Variants in PHF1 observed in about 807,000 individuals in gnomAD.
PHF1 encodes PHD finger protein 1, also known as polycomb-like 1.
In PHF1, 16 loss-of-function variants were observed where a neutral mutation model predicts 69.4. The ratio of observed to expected loss-of-function variants is 0.23; its 90% confidence interval spans 0.16 to 0.35. PHF1 has a LOEUF of 0.35. Among genes scored for constraint, PHF1 ranks in the 10% least tolerant of loss-of-function variants. The probability of loss-of-function intolerance (pLI) is 1.00; values close to 1 mark genes in which losing one functional copy is unlikely to be tolerated. For missense variants in PHF1, 515 were observed against 732.8 expected, an observed-to-expected ratio of 0.70 and a Z score of 3.43; for synonymous variants, 274 against 275.0, an observed-to-expected ratio of 1.00 and a Z score of 0.04.
chr6:33,412,756 T>G lies in PHF1; in HGVS notation c.300T>G (p.Pro100=). The G allele has an allele frequency of 6.2e-7, 1 of 1,614,078 alleles. No individual in the cohort carries two copies. Among genetic ancestry groups the G allele is most frequent in the Non-Finnish European group, 8.5e-7 (1 of 1,180,022 alleles). ...CCVCRSETVV[P]GNRLVSCEKC... ...TCTGTCGCTCTGAGACTGTGGTCCC[T>G]GGGAACCGGCTGGTCAGCTGTGAGA... Residue 100 remains proline, a synonymous_variant, in exon 4 of 15, where the codon CCT becomes CCG. Transcript: ENST00000374516. This position sits in a 1 kb window ranked among gnomAD's most constrained non-coding sequence, Gnocchi z 4.2.
Position 33,412,817 on chromosome 6 carries a change from G to A in PHF1, c.337+24G>A. 6.3e-7 allele frequency: 1 copy of A among 1,592,224 alleles called. No homozygotes were observed. Among genetic ancestry groups the A allele is most frequent in the Non-Finnish European group, 8.6e-7 (1 of 1,160,474 alleles). ...TGGTGAGAGGGCAGGTCACCTGAAT[G>A]GTCCAGCTTGCTCTTCCCTCCAGGA... On this transcript the variant is annotated intron_variant, in intron 4 of 14. Transcript: ENST00000374516. This position sits in a 1 kb window ranked among gnomAD's most constrained non-coding sequence, Gnocchi z 4.2.
At position 33,416,170 on chromosome 6, in the gene PHF1, A is replaced by C; in HGVS notation, c.*72A>C. ...CATACCCTGACCTCTGACCTCACCT[A>C]CAGCTGGGATGTACCTGGAGAGATA... On this transcript the variant is annotated 3_prime_UTR_variant, in exon 15 of 15. Transcript: ENST00000374516. The C allele has an allele frequency of 7.6e-7, 1 of 1,317,200 alleles. No individual in the cohort carries two copies. The highest frequency in any genetic ancestry group is 1.0e-6 in the Non-Finnish European group (1 of 974,640). The allele number at this position is 1,317,200 out of a possible 1,614,324, so 81.6% of individuals were successfully genotyped here. A position where few individuals can be genotyped will look rare whatever the true frequency, so the allele number is the denominator to read the frequency against.
At position 33,414,904 on chromosome 6, in the gene PHF1, G is replaced by A. The variant is rs73741834; in HGVS notation, c.1050-51G>A. 1,573 of 1,527,534 alleles carry A rather than the reference G, an allele frequency of 1.0e-3. 9 individuals are homozygous for A. The African/African-American group carries it at 0.017, about 16-fold the overall frequency. The allele number at this position is 1,527,534 out of a possible 1,614,324, so 94.6% of individuals were successfully genotyped here. ...GGGGTATATGTATAGAGATGGGGAG[G>A]TCTTGGGGGTGTCCGGGAGGGGGCT... On this transcript the variant is annotated intron_variant, in intron 11 of 14. Transcript: ENST00000374516. This position sits in a 1 kb window ranked among gnomAD's most constrained non-coding sequence, Gnocchi z 5.0.
chr6:33,415,631 G>A lies in PHF1; in HGVS notation c.1376G>A (p.Ser459Asn), dbSNP rs770833118. 3 of 1,614,022 alleles carry A rather than the reference G, an allele frequency of 1.9e-6. No individual in the cohort carries two copies. In the South Asian group the frequency reaches 3.3e-5, roughly 18 times the overall value. Residue 459 changes from serine to asparagine, a missense_variant, in exon 14 of 15, where the codon AGC (serine) becomes AAC (asparagine). Ser to Asn is a conservative substitution (Grantham distance 46, BLOSUM62 1). This residue lies in a region of PHF1 where 274 missense variants were observed against 304.5 expected (regional missense o/e 0.90). Coordinates refer to ENST00000374516, the MANE Select transcript of PHF1 (RefSeq NM_024165.3). The stretch of plus-strand genomic sequence containing the variant: ...TTTGCTTCCTTCCACCCTTCTGCCA[G>A]CACCGCAGGGACCTCTGGGGACAGT... The part of the protein sequence containing the change: ...RMFASFHPSA[S>N]TAGTSGDSGP...
chr6:33,416,016 C>CT lies in PHF1; in HGVS notation c.1623dup (p.Val542CysfsTer11). 6.2e-7 allele frequency: 1 copy of CT among 1,613,066 alleles called. No individual in the cohort carries two copies. The highest frequency in any genetic ancestry group is 8.5e-7 in the Non-Finnish European group (1 of 1,179,324). On this transcript the variant is annotated frameshift_variant, in exon 15 of 15. Transcript: ENST00000374516. LOFTEE classifies it high-confidence loss of function. Reference sequence around the variant, plus strand: ...GTTGGTTACCTGTCCCGAGGGGACCCTGTCCGGGTCCTTGCTCGGAGAGTA... The same window carrying CT: ...GTTGGTTACCTGTCCCGAGGGGACCCTTGTCCGGGTCCTTGCTCGGAGAGTA...
chr6:33,413,175 G>A, intron 4 of PHF1, 21 bp from the exon 5 acceptor site: 1 of 1,592,320 alleles, frequency 6.3e-7, no homozygotes, highest in Non-Finnish European at 8.6e-7. Context: ...TGCAATAAGT[G>A]GTCTACTATT....
At chr6:33,413,093 C>G (rs1388648008) in intron 4 of PHF1, 103 bp from the exon 5 acceptor site, 1 of 1,062,600 alleles carries the variant, frequency 9.4e-7, no homozygotes, top group Non-Finnish European at 1.5e-6. Flanking sequence ...ACCCCCTCAT[C>G]AAGACCATGG....
chr6:33,416,161 A>C lies in PHF1; in HGVS notation c.*63A>C. ...CGGCACTTTCATACCCTGACCTCTG[A>C]CCTCACCTACAGCTGGGATGTACCT... On this transcript the variant is annotated 3_prime_UTR_variant, in exon 15 of 15. Transcript: ENST00000374516. The C allele has an allele frequency of 7.3e-7, 1 of 1,368,006 alleles. No homozygotes were observed. Among genetic ancestry groups the C allele is most frequent in the Non-Finnish European group, 9.8e-7 (1 of 1,018,102 alleles). The allele number at this position is 1,368,006 out of a possible 1,614,324, so 84.7% of individuals were successfully genotyped here.
rs776102099 is a variant in PHF1 at position 33,412,322 on chromosome 6, C to T, written c.59C>T (p.Ser20Phe). 103 of 1,614,106 alleles carry T rather than the reference C, an allele frequency of 6.4e-5. No homozygotes were observed. The Admixed American group carries it at 1.7e-3, about 26-fold the overall frequency. ...SGASSLWDPASPAPTSGPRPR... is the reference protein window; with the variant it reads ...SGASSLWDPAFPAPTSGPRPR... Reference sequence around the variant, plus strand: ...GCCTCCTCACTTTGGGACCCAGCTTCTCCTGCTCCCACCTCTGGCCCCAGG... The same window carrying T: ...GCCTCCTCACTTTGGGACCCAGCTTTTCCTGCTCCCACCTCTGGCCCCAGG... Residue 20 changes from serine (S) to phenylalanine (F), a missense_variant, in exon 2 of 15, where the codon TCT becomes TTT. Physicochemically the swap from Ser to Phe is radical, Grantham distance 155 (BLOSUM62 -2). Transcript: ENST00000374516. This position sits in a 1 kb window ranked among gnomAD's most constrained non-coding sequence, Gnocchi z 4.2.
chr6:33,411,575 C>T (rs1776066397), intron 1 of PHF1, among the ~76,000 whole-genome samples: 1 of 152,166 alleles, frequency 6.6e-6, no homozygotes, highest in African/African-American at 2.4e-5. Flanking sequence ...ACAGGACACC[C>T]TAATTATGAT....
At position 33,412,164 on chromosome 6, in the gene PHF1, GAAAAAA is replaced by G. The variant is rs576149310; in HGVS notation, c.-16-73_-16-68del. ...GCGACAGAGCAAAACTCCATCTCAGGAAAAAAAAAAAAAAAAGAAAAAGAAAATGGG... is the reference window on the plus strand; with the variant it reads ...GCGACAGAGCAAAACTCCATCTCAGGAAAAAAAAAAGAAAAAGAAAATGGG... On this transcript the variant is annotated intron_variant, in intron 1 of 14. Transcript: ENST00000374516. The surrounding 1 kb of genome is among the most constrained non-coding windows in gnomAD (Gnocchi z 4.2). The G allele has an allele frequency of 3.3e-5, 27 of 830,430 alleles. No homozygotes were observed. Among genetic ancestry groups the G allele is most frequent in the African/African-American group, 2.2e-4 (11 of 50,852 alleles). The allele number at this position is 830,430 out of a possible 1,614,324, so 51.4% of individuals were successfully genotyped here. A position where few individuals can be genotyped will look rare whatever the true frequency, so the allele number is the denominator to read the frequency against.
At position 33,415,053 on chromosome 6, in the gene PHF1, A is replaced by G. The variant is rs780198448; in HGVS notation, c.1148A>G (p.Lys383Arg). 6 of 1,603,362 alleles carry G rather than the reference A, an allele frequency of 3.7e-6. No individual in the cohort carries two copies. In the South Asian group the frequency reaches 4.4e-5, roughly 12 times the overall value. Residue 383 changes from lysine to arginine, a missense_variant, in exon 12 of 15, where the codon AAA becomes AGA. By Grantham distance (26) the Lys-to-Arg change is conservative. Transcript: ENST00000374516. The stretch of plus-strand genomic sequence containing the variant: ...CCCCTGAGGAGGAGGCAGAAGGGGA[A>G]AGTGGAGGAGCTGGGGCCACCCTCA... ...PEPLRRRQKG[K>R]VEELGPPSAV...
At position 33,413,021 on chromosome 6, in the gene PHF1, T is replaced by C. The variant is rs531913712; in HGVS notation, c.338-175T>C. On this transcript the variant is annotated intron_variant, in intron 4 of 14. Transcript: ENST00000374516. ...TGCATCCTTTTCTAACCATATGACCTCGGACAAGTCCCTTAACCTCTAGGA... is the reference window on the plus strand; with the variant it reads ...TGCATCCTTTTCTAACCATATGACCCCGGACAAGTCCCTTAACCTCTAGGA... 14 of 716,944 alleles carry C rather than the reference T, an allele frequency of 2.0e-5. No homozygotes were observed. The South Asian group carries it at 2.3e-4, about 12-fold the overall frequency. The allele number at this position is 716,944 out of a possible 1,614,324, so 44.4% of individuals were successfully genotyped here.
chr6:33,415,276 C>T lies in PHF1; in HGVS notation c.1281C>T (p.Tyr427=). The T allele has an allele frequency of 6.2e-7, 1 of 1,613,884 alleles. No individual in the cohort carries two copies. Residue 427 remains tyrosine (Y), a synonymous_variant, in exon 13 of 15, where the codon TAC becomes TAT. Coordinates refer to ENST00000374516, the MANE Select transcript of PHF1 (RefSeq NM_024165.3). ...CATCCCCCAGCCCTAACCAGAGTTA[C>T]CAGGGCAGCAGCGGCTACAACTTCC... ...SPPSPSPNQS[Y]QGSSGYNFRP...
Position 33,414,986 on chromosome 6 carries a change from G to A in PHF1, c.1081G>A (p.Val361Ile). 3 of 1,551,680 alleles carry A rather than the reference G, an allele frequency of 1.9e-6. No homozygotes were observed. Among genetic ancestry groups the A allele is most frequent in the Non-Finnish European group, 2.6e-6 (3 of 1,148,116 alleles). Residue 361 changes from valine to isoleucine, a missense_variant, in exon 12 of 15, where the codon GTC becomes ATC. Coordinates refer to ENST00000374516, the MANE Select transcript of PHF1 (RefSeq NM_024165.3). This position sits in a 1 kb window ranked among gnomAD's most constrained non-coding sequence, Gnocchi z 5.0. ...FPSGQGPGGG[V>I]SRPLGKRRRP... ...TTCAGGGCAGGGCCCTGGGGGAGGG[G>A]TCTCACGTCCCCTGGGGAAGCGCCG...
At position 33,412,181 on chromosome 6, in the gene PHF1, G is replaced by T; in HGVS notation, c.-16-67G>T. 879 of 877,896 alleles carry T rather than the reference G, an allele frequency of 1.0e-3. No homozygotes were observed. The highest frequency in any genetic ancestry group is 1.4e-3 in the Non-Finnish European group (806 of 586,994). The allele number at this position is 877,896 out of a possible 1,614,324, so 54.4% of individuals were successfully genotyped here. A position where few individuals can be genotyped will look rare whatever the true frequency, so the allele number is the denominator to read the frequency against. On this transcript the variant is annotated intron_variant, in intron 1 of 14. Coordinates refer to ENST00000374516, the MANE Select transcript of PHF1 (RefSeq NM_024165.3). This position sits in a 1 kb window ranked among gnomAD's most constrained non-coding sequence, Gnocchi z 4.2. ...CATCTCAGGAAAAAAAAAAAAAAAA[G>T]AAAAAGAAAATGGGGAAGGTTTCTC...
Position 33,412,668 on chromosome 6 carries a change from C to T in PHF1, c.242-30C>T. On this transcript the variant is annotated intron_variant, in intron 3 of 14. Transcript: ENST00000374516. The surrounding 1 kb of genome is among the most constrained non-coding windows in gnomAD (Gnocchi z 4.2). ...AGAGGGGCAGAAAGAGACTTAAAGG[C>T]AGGCCCTGTGACACTGTGTTCTCTC... 6.2e-7 allele frequency: 1 copy of T among 1,611,018 alleles called. No individual in the cohort carries two copies. The highest frequency in any genetic ancestry group is 8.5e-7 in the Non-Finnish European group (1 of 1,177,142).
Position 33,412,706 on chromosome 6 carries a change from C to T in PHF1, c.250C>T (p.Pro84Ser). The T allele has an allele frequency of 6.2e-7, 1 of 1,614,122 alleles. No homozygotes were observed. The highest frequency in any genetic ancestry group is 8.5e-7 in the Non-Finnish European group (1 of 1,179,978). Residue 84 changes from proline to serine, a missense_variant, in exon 4 of 15, where the codon CCT (proline) becomes TCT (serine). Transcript: ENST00000374516. This position sits in a 1 kb window ranked among gnomAD's most constrained non-coding sequence, Gnocchi z 4.2. ...LWKDISPAALPGEELLCCVCR... is the reference protein window; with the variant it reads ...LWKDISPAALSGEELLCCVCR... ...ACTGTGTTCTCTCACAGCTGCCCTC[C>T]CTGGAGAGGAACTCCTCTGTTGTGT...
chr6:33,412,185 AAG>A lies in PHF1; in HGVS notation c.-16-61_-16-60del. The A allele has an allele frequency of 5.7e-6, 7 of 1,234,216 alleles. No individual in the cohort carries two copies. The highest frequency in any genetic ancestry group is 4.7e-5 in the Admixed American group (2 of 42,612). 76.5% of individuals were successfully genotyped at this position (1,234,216 alleles called of 1,614,324 possible). On this transcript the variant is annotated intron_variant, in intron 1 of 14. Transcript: ENST00000374516. This position sits in a 1 kb window ranked among gnomAD's most constrained non-coding sequence, Gnocchi z 4.2. Reference sequence around the variant, plus strand: ...TCAGGAAAAAAAAAAAAAAAAGAAAAAGAAAATGGGGAAGGTTTCTCAGCATT... The same window carrying A: ...TCAGGAAAAAAAAAAAAAAAAGAAAAAAAATGGGGAAGGTTTCTCAGCATT...
Sources: allele counts gnomAD v4.1 joint callset (sites outside exome capture counted in the v4.1 genomes callset), GRCh38; gene constraint gnomAD v4.1.1; regional missense constraint gnomAD v4.1.1; non-coding constraint Gnocchi (gnomAD v3.1); transcripts MANE v1.5; gene names NCBI Gene and HGNC (gene_info 2026-07-23, HGNC 2026-07-21).